KDM4C: variants seen among roughly 807,000 people sequenced by gnomAD.
KDM4C encodes the protein lysine-specific demethylase 4C.
KDM4C carries 81 observed loss-of-function variants against 129.3 expected under a neutral mutation model. The observed-to-expected ratio is 0.63, with a 90% CI of 0.52 to 0.75. The LOEUF (loss-of-function observed/expected upper bound fraction) is 0.75, where lower values mean the gene tolerates loss of function less well. Ranked by LOEUF, KDM4C falls within the 30% of genes least tolerant of loss-of-function variation. The pLI is 0.00. For synonymous variants in KDM4C, 573 were observed against 456.1 expected, an observed-to-expected ratio of 1.26 and a Z score of -3.26; for missense variants, 1,457 against 1,304.0, an observed-to-expected ratio of 1.12 and a Z score of -1.81.
intron 8 of KDM4C, among the ~76,000 whole-genome samples, chr9:6,934,477 CAA>C (rs79283241): frequency 4.2e-4 from 55 of 130,630 alleles, no homozygotes; most frequent in African/African-American, 1.1e-3. Flanking sequence ...AAGACCCCGC[CAA>C]AAAAAAAAAA....
chr9:6,978,827 A>G (rs1314422924), intron 8 of KDM4C: 1 of 152,192 alleles, frequency 6.6e-6, no homozygotes, highest in Non-Finnish European at 1.5e-5. Flanking sequence ...AAGTTTGTCC[A>G]GCAGTACCAT....
intron 18 of KDM4C, among the ~76,000 whole-genome samples, chr9:7,121,164 C>T (rs959651005): frequency 3.3e-5 from 5 of 152,124 alleles, no homozygotes; most frequent in African/African-American, 1.2e-4. Context: ...AACTATTTAG[C>T]TCATGATTCT....
At chr9:6,852,802 C>T (rs924621347) in intron 5 of KDM4C, among the ~76,000 whole-genome samples, 6 of 152,130 alleles carry the variant, frequency 3.9e-5, no homozygotes, top group African/African-American at 1.4e-4. Flanking sequence ...CGATTCCCTC[C>T]TTACTTACGG....
intron 4 of KDM4C, among the ~76,000 whole-genome samples, chr9:6,837,233 T>C (rs1588610291): frequency 6.6e-6 from 1 of 152,118 alleles, no homozygotes. Flanking sequence ...AATTTTTGTA[T>C]TTTTTGTCGA....
At chr9:6,924,465 G>T (rs2131240374) in intron 8 of KDM4C, among the ~76,000 whole-genome samples, 1 of 152,316 alleles carries the variant, frequency 6.6e-6, no homozygotes, top group East Asian at 1.9e-4. Context: ...TGTTGGACTT[G>T]CCTCACACCA....
At chr9:7,053,615 A>G (rs184410707) in intron 17 of KDM4C, among the ~76,000 whole-genome samples, 2 of 152,306 alleles carry the variant, frequency 1.3e-5, no homozygotes, top group East Asian at 3.9e-4. Flanking sequence ...ATTTTCTTTT[A>G]TTTCTGTGTC....
intron 8 of KDM4C, chr9:6,978,618 C>A (rs1833330757): frequency 6.6e-6 from 1 of 151,260 alleles, no homozygotes; most frequent in Non-Finnish European, 1.5e-5. Context: ...GTCTCTGTTC[C>A]TTTCAGTTCA....
chr9:6,805,883 G>A, intron 3 of KDM4C, 109 bp downstream of exon 3: 1 of 972,416 alleles, frequency 1.0e-6, no homozygotes, highest in Non-Finnish European at 1.5e-6. Flanking sequence ...AGTCTCCCAT[G>A]CAATTTTTCA....
intron 18 of KDM4C, among the ~76,000 whole-genome samples, chr9:7,125,082 A>T (rs1402954462): frequency 6.6e-6 from 1 of 152,118 alleles, no homozygotes; most frequent in African/African-American, 2.4e-5. Context: ...AATAACATTT[A>T]GATTCCCTAG....
At chr9:7,067,320 G>T (rs148728341) in intron 17 of KDM4C, among the ~76,000 whole-genome samples, 1 of 152,220 alleles carries the variant, frequency 6.6e-6, no homozygotes, top group Non-Finnish European at 1.5e-5. Context: ...CACAACGTAC[G>T]TTCTGCATAG....
At chr9:6,839,479 A>T (rs1183391957) in intron 4 of KDM4C, among the ~76,000 whole-genome samples, 1 of 150,636 alleles carries the variant, frequency 6.6e-6, no homozygotes, top group Non-Finnish European at 1.5e-5. Flanking sequence ...GACTCAAGCA[A>T]TCCTCCCGCC....
intron 4 of KDM4C, among the ~76,000 whole-genome samples, chr9:6,822,071 C>T (rs901476856): frequency 6.6e-6 from 1 of 152,130 alleles, no homozygotes; most frequent in Non-Finnish European, 1.5e-5. Flanking sequence ...AACCAAAAAA[C>T]CAAGACTCTC....
At chr9:6,946,842 ATT>A (rs772954202) in intron 8 of KDM4C, among the ~76,000 whole-genome samples, 1 of 151,676 alleles carries the variant, frequency 6.6e-6, no homozygotes, top group Admixed American at 6.6e-5. Flanking sequence ...CTAAAACATT[ATT>A]TTTTGTTTCC....
At chr9:7,117,283 T>G (rs1396629322) in intron 18 of KDM4C, among the ~76,000 whole-genome samples, 1 of 152,148 alleles carries the variant, frequency 6.6e-6, no homozygotes, top group Non-Finnish European at 1.5e-5. Context: ...ACTATTTAAT[T>G]AGTCTGTTTT....
chr9:6,740,865 T>C (rs1330199366), intron 1 of KDM4C, among the ~76,000 whole-genome samples: 1 of 151,816 alleles, frequency 6.6e-6, no homozygotes, highest in Non-Finnish European at 1.5e-5. Context: ...TCTCACTCTG[T>C]TGTCCAAGTT....
At chr9:6,737,293 G>A (rs1817553869) in intron 1 of KDM4C, among the ~76,000 whole-genome samples, 1 of 151,848 alleles carries the variant, frequency 6.6e-6, no homozygotes, top group South Asian at 2.1e-4. Flanking sequence ...ATCCAACAAA[G>A]GTCTAATATC....
At chr9:7,165,119 A>C in intron 19 of KDM4C, 119 bp from the exon 20 acceptor site, 1 of 1,202,318 alleles carries the variant, frequency 8.3e-7, no homozygotes, top group Non-Finnish European at 1.2e-6. Flanking sequence ...CGAGATCATA[A>C]TCCATAAAAC....
chr9:7,133,529 C>T (rs1463223234), intron 19 of KDM4C, among the ~76,000 whole-genome samples: 1 of 152,210 alleles, frequency 6.6e-6, no homozygotes, highest in Non-Finnish European at 1.5e-5. Context: ...ATTTCACAGA[C>T]GTGTTACTTG....
chr9:6,867,300 C>T (rs563488912), intron 5 of KDM4C, among the ~76,000 whole-genome samples: 38 of 152,252 alleles, frequency 2.5e-4, no homozygotes, highest in Non-Finnish European at 4.3e-4. Context: ...AGGCGTGAGC[C>T]GCTGCGCCCG....
Sources: allele counts gnomAD v4.1 joint callset (sites outside exome capture counted in the v4.1 genomes callset), GRCh38; gene constraint gnomAD v4.1.1; transcripts MANE v1.5; gene names NCBI Gene and HGNC (gene_info 2026-07-23, HGNC 2026-07-21).